The following PDE1A variants were observed in gnomAD, a reference collection of about 807,000 sequenced individuals.
PDE1A encodes dual specificity calcium/calmodulin-dependent 3',5'-cyclic nucleotide phosphodiesterase 1A.
PDE1A carries 35 observed loss-of-function variants against 61.7 expected under a neutral mutation model. The ratio of observed to expected loss-of-function variants is 0.57; its 90% CI spans 0.43 to 0.75. The LOEUF is 0.75. PDE1A is among the 30% of genes least tolerant of loss of function. The pLI, the probability that PDE1A is intolerant of heterozygous loss-of-function variation, is 0.00. For missense variants in PDE1A, 597 were observed against 630.6 expected (o/e 0.95, Z 0.57); for synonymous variants, 232 against 213.2 (o/e 1.09, Z -0.77).
the PDE1A span, among the ~76,000 whole-genome samples, chr2:182,624,458 T>C: frequency 6.6e-6 from 1 of 152,180 alleles, no homozygotes; most frequent in East Asian, 1.9e-4. Context: ...ATGTATATGG[T>C]AAGTCTTTAC....
chr2:182,581,091 T>C, the PDE1A span, among the ~76,000 whole-genome samples: 1 of 152,142 alleles, frequency 6.6e-6, no homozygotes, highest in Non-Finnish European at 1.5e-5. Context: ...TCTTCATAAA[T>C]TGAGTCTGAT....
chr2:182,485,518 GT>G (rs920736697), intron 2 of PDE1A, among the ~76,000 whole-genome samples: 2 of 151,670 alleles, frequency 1.3e-5, no homozygotes, highest in Admixed American at 6.6e-5. Context: ...TAAAATAAAA[GT>G]TTTTTTAAAA....
At chr2:182,581,979 CTAAAAA>C in the PDE1A span, among the ~76,000 whole-genome samples, 1 of 152,126 alleles carries the variant, frequency 6.6e-6, no homozygotes, top group Non-Finnish European at 1.5e-5. Flanking sequence ...CCAGGTAAAA[CTAAAAA>C]TGACAATAAG....
intron 1 of PDE1A, among the ~76,000 whole-genome samples, chr2:182,348,425 A>G (rs17264887): frequency 0.33 from 49,383 of 151,790 alleles, 9,740 homozygotes; most frequent in Middle Eastern, 0.45. Flanking sequence ...GACTTTACGG[A>G]TATCCATTAC....
At chr2:182,696,078 T>C in the PDE1A span, among the ~76,000 whole-genome samples, 5 of 152,198 alleles carry the variant, frequency 3.3e-5, no homozygotes, top group Non-Finnish European at 7.3e-5. Context: ...CTAGACATAC[T>C]CTTGTCATAA....
chr2:182,295,055 A>ATTTTTTTTTTT (rs1559306033), intron 1 of PDE1A, among the ~76,000 whole-genome samples: 32 of 76,808 alleles, frequency 4.2e-4, no homozygotes, highest in Non-Finnish European at 6.9e-4. Context: ...ATAAAAGGTA[A>ATTTTTTTTTTT]TCTTTTTTTT....
chr2:182,145,025 C>T, downstream of PDE1A, among the ~76,000 whole-genome samples: 1 of 152,142 alleles, frequency 6.6e-6, no homozygotes, highest in East Asian at 1.9e-4. Flanking sequence ...GTCACAGTTG[C>T]CAATCGTCAC....
chr2:182,269,465 G>A (rs75012346), intron 1 of PDE1A, among the ~76,000 whole-genome samples: 15,871 of 150,994 alleles, frequency 0.11, 1,167 homozygotes, highest in East Asian at 0.32. Flanking sequence ...CTCCAGCCTG[G>A]GCAACAAGAG....
chr2:182,240,110 C>G, exon 3 of PDE1A: 1 of 1,611,554 alleles, frequency 6.2e-7, no homozygotes, highest in Non-Finnish European at 8.5e-7. Flanking sequence ...TTTCACTTAC[C>G]TTTCCACAAA....
chr2:182,568,867 C>T, the PDE1A span, among the ~76,000 whole-genome samples: 11 of 152,022 alleles, frequency 7.2e-5, no homozygotes, highest in East Asian at 1.9e-4. Context: ...AGGCCAGGCA[C>T]GGTGGCTCAC....
chr2:182,598,119 G>A, the PDE1A span, among the ~76,000 whole-genome samples: 1 of 152,162 alleles, frequency 6.6e-6, no homozygotes, highest in African/African-American at 2.4e-5. Context: ...AGCCATAACA[G>A]CTTCATCTTC....
chr2:182,368,803 C>G (rs1481067120), intron 1 of PDE1A, among the ~76,000 whole-genome samples: 1 of 152,138 alleles, frequency 6.6e-6, no homozygotes, highest in Non-Finnish European at 1.5e-5. Context: ...TAATAAAACT[C>G]TCCTTACAGA....
chr2:182,150,888 A>G (rs1223642936), intron 13 of PDE1A, among the ~76,000 whole-genome samples: 2 of 152,198 alleles, frequency 1.3e-5, no homozygotes, highest in Admixed American at 1.3e-4. Flanking sequence ...TACACCAAAC[A>G]CACTATCAAG....
the PDE1A span, among the ~76,000 whole-genome samples, chr2:182,541,424 C>T: frequency 6.6e-6 from 1 of 152,178 alleles, no homozygotes; most frequent in African/African-American, 2.4e-5. Flanking sequence ...ACTCAGTAAC[C>T]TGGCAGAAAC....
At chr2:182,608,041 C>G in the PDE1A span, among the ~76,000 whole-genome samples, 1 of 152,122 alleles carries the variant, frequency 6.6e-6, no homozygotes, top group African/African-American at 2.4e-5. Flanking sequence ...AAAACAATAC[C>G]CCTAAAAGAA....
At chr2:182,240,501 T>C (rs1371553083) in intron 2 of PDE1A, among the ~76,000 whole-genome samples, 3 of 152,154 alleles carry the variant, frequency 2.0e-5, no homozygotes, top group South Asian at 2.1e-4. Context: ...CAACAACGAA[T>C]AGACTTGAGC....
intron 2 of PDE1A, among the ~76,000 whole-genome samples, chr2:182,444,633 T>TTCTC (rs1177097391): frequency 6.6e-6 from 1 of 151,782 alleles, no homozygotes; most frequent in Non-Finnish European, 1.5e-5. Context: ...CTCTCTCTCT[T>TTCTC]TCTCTCTCTC....
chr2:182,681,432 C>T, the PDE1A span, among the ~76,000 whole-genome samples: 4 of 152,002 alleles, frequency 2.6e-5, no homozygotes, highest in African/African-American at 9.7e-5. Flanking sequence ...CTCAGTCTCC[C>T]AAAGTGCTGG....
At chr2:182,594,539 T>C in the PDE1A span, among the ~76,000 whole-genome samples, 1 of 152,254 alleles carries the variant, frequency 6.6e-6, no homozygotes, top group Non-Finnish European at 1.5e-5. Context: ...CAAATTCTTT[T>C]TGACTAATCT....
Sources: allele counts gnomAD v4.1 joint callset (sites outside exome capture counted in the v4.1 genomes callset), GRCh38; gene constraint gnomAD v4.1.1; transcripts MANE v1.5; gene names NCBI Gene and HGNC (gene_info 2026-07-23, HGNC 2026-07-21).